SCARB1: variants seen among roughly 807,000 people sequenced by gnomAD.
SCARB1 encodes CD36 and LIMPII analogous 1.
A neutral mutation model predicts 57.2 loss-of-function variants in SCARB1; 30 were observed. The observed-to-expected ratio is 0.52, with a 90% CI of 0.39 to 0.71. The LOEUF is 0.71. Among genes scored for constraint, SCARB1 ranks in the 30% least tolerant of loss-of-function variants. The pLI is 0.00. For missense variants in SCARB1, 543 were observed against 671.2 expected, an observed-to-expected ratio of 0.81 and a Z score of 2.11; for synonymous variants, 249 against 268.3, an observed-to-expected ratio of 0.93 and a Z score of 0.70.
chr12:124,854,820 G>A (rs772318493), intron 1 of SCARB1, among the ~76,000 whole-genome samples: 5 of 152,132 alleles, frequency 3.3e-5, no homozygotes, highest in African/African-American at 9.7e-5. Context: ...CAGCCGGGGC[G>A]AGCGTGAGCT....
intron 1 of SCARB1, among the ~76,000 whole-genome samples, chr12:124,820,848 C>T (rs1594297806): frequency 6.6e-6 from 1 of 152,278 alleles, no homozygotes; most frequent in East Asian, 1.9e-4. Context: ...ATCTCAGGGG[C>T]GGGTTTCCCG....
rs369260422 is a variant in SCARB1, at chr12:124,795,229, G to A, written c.1168C>T (p.Leu390=). The change falls in exon 9 of 13, where the codon CTG becomes TTG. Residue 390 remains leucine, a synonymous_variant. Transcript: ENST00000261693. The part of the protein sequence containing the change: ...IPMNCSVKLQ[L]SLYMKSVAGI... ...GCGACAGATTTCATGTAGAGGCTCA[G>A]CTGCAGTTTCACAGAGCAGTTCATG... 2.5e-6 allele frequency: 4 copies of A among 1,613,888 alleles called. No individual in the cohort carries two copies. Among genetic ancestry groups the A allele is most frequent in the Non-Finnish European group, 3.4e-6 (4 of 1,179,906 alleles).
chr12:124,785,949 G>C (rs578115894), intron 11 of SCARB1: 2 of 968,530 alleles, frequency 2.1e-6, no homozygotes, highest in Admixed American at 2.9e-5. Context: ...CTGTCTCCCC[G>C]GCTGGGATGC....
At chr12:124,804,647 A>G (rs995599473) in intron 7 of SCARB1, among the ~76,000 whole-genome samples, 9 of 152,206 alleles carry the variant, frequency 5.9e-5, no homozygotes, top group African/African-American at 2.2e-4. Flanking sequence ...GGACCAGGAG[A>G]CAGCAGCGGG....
At chr12:124,785,967 C>G (rs570199410) in intron 11 of SCARB1, 6 of 1,202,858 alleles carry the variant, frequency 5.0e-6, no homozygotes, top group Admixed American at 2.9e-5. Flanking sequence ...TGCCAGCCCC[C>G]CTCAATCCCC....
intron 7 of SCARB1, among the ~76,000 whole-genome samples, chr12:124,803,256 CG>C (rs1334167365): frequency 6.6e-6 from 1 of 152,166 alleles, no homozygotes; most frequent in Non-Finnish European, 1.5e-5. Flanking sequence ...GTGCTGGCCA[CG>C]GGGTGCGTTG....
chr12:124,811,002 C>T (rs1950505675), intron 5 of SCARB1, among the ~76,000 whole-genome samples: 1 of 152,142 alleles, frequency 6.6e-6, no homozygotes, highest in African/African-American at 2.4e-5. Context: ...AGTGGGAAGT[C>T]ACACAGTCAT....
intron 1 of SCARB1, among the ~76,000 whole-genome samples, chr12:124,832,422 A>G (rs1359850503): frequency 1.3e-5 from 2 of 152,036 alleles, no homozygotes; most frequent in African/African-American, 4.8e-5. Context: ...TGGGAGGCTG[A>G]GGAAGGAGAA....
At chr12:124,840,120 T>A (rs1256051027) in intron 1 of SCARB1, 1 of 1,223,142 alleles carries the variant, frequency 8.2e-7, no homozygotes, top group Non-Finnish European at 1.1e-6. Flanking sequence ...TCTCACTGAT[T>A]CTCATTTCCC....
In SCARB1 at chr12:124,810,402, C is replaced by T; in HGVS notation, c.727-113G>A. On this transcript the variant is annotated intron_variant, in intron 5 of 12. Coordinates refer to ENST00000261693, the MANE Select transcript of SCARB1 (RefSeq NM_005505.5). This position sits in a 1 kb window ranked among gnomAD's most constrained non-coding sequence, Gnocchi z 4.0. ...GGTGCACGCACGGCCACTCAATTCC[C>T]AATACTGGCACGGTGGGAAGAGGGC... 1.3e-6 allele frequency: 1 copy of T among 744,370 alleles called. No individual in the cohort carries two copies. The highest frequency in any genetic ancestry group is 2.4e-6 in the Non-Finnish European group (1 of 412,906). The allele number at this position is 744,370 out of a possible 1,614,324, so 46.1% of individuals were successfully genotyped here. A position where few individuals can be genotyped will look rare whatever the true frequency, so the allele number is the denominator to read the frequency against.
chr12:124,823,826 C>T (rs965026453), intron 1 of SCARB1, among the ~76,000 whole-genome samples: 4 of 151,752 alleles, frequency 2.6e-5, no homozygotes, highest in South Asian at 2.1e-4. Context: ...TTTACTACTG[C>T]GTAAAAAAGA....
chr12:124,853,401 T>G (rs1275782894), intron 1 of SCARB1, among the ~76,000 whole-genome samples: 2 of 150,300 alleles, frequency 1.3e-5, no homozygotes, highest in Non-Finnish European at 3.0e-5. Flanking sequence ...TTTTTTTTTT[T>G]TTTTTTTTTG....
intron 9 of SCARB1, 147 bp from the exon 10 acceptor site, chr12:124,787,604 C>T (rs1949570631): frequency 4.2e-6 from 3 of 708,650 alleles, no homozygotes; most frequent in Middle Eastern, 2.4e-4. Context: ...TGAGCTGAAA[C>T]ACTTTAGGAG....
chr12:124,848,492 G>C (rs923820198), intron 1 of SCARB1, among the ~76,000 whole-genome samples: 2 of 146,446 alleles, frequency 1.4e-5, no homozygotes, highest in African/African-American at 5.1e-5. Context: ...GCCTTCTTGA[G>C]TGGGGCCGTG....
chr12:124,850,279 A>T (rs1470101261), intron 1 of SCARB1, among the ~76,000 whole-genome samples: 2 of 152,024 alleles, frequency 1.3e-5, no homozygotes, highest in Non-Finnish European at 2.9e-5. Context: ...AGGCTGAGGC[A>T]GGAGAATCAC....
intron 1 of SCARB1, among the ~76,000 whole-genome samples, chr12:124,841,534 A>G (rs1346905320): frequency 6.7e-6 from 1 of 149,682 alleles, no homozygotes; most frequent in Non-Finnish European, 1.5e-5. Context: ...CCTGCTCAGA[A>G]CCCTCCATGG....
At chr12:124,834,653 AT>A (rs1296015339) in intron 1 of SCARB1, among the ~76,000 whole-genome samples, 1 of 152,210 alleles carries the variant, frequency 6.6e-6, no homozygotes, top group Non-Finnish European at 1.5e-5. Flanking sequence ...CACGCCTGTA[AT>A]CCCAGCACTT....
At chr12:124,836,279 A>C (rs1232969554) in intron 1 of SCARB1, among the ~76,000 whole-genome samples, 1 of 152,224 alleles carries the variant, frequency 6.6e-6, no homozygotes, top group Non-Finnish European at 1.5e-5. Flanking sequence ...GTCACTGGCC[A>C]GAATGTCCAT....
intron 1 of SCARB1, among the ~76,000 whole-genome samples, chr12:124,859,760 A>G (rs1952808750): frequency 1.3e-5 from 2 of 152,194 alleles, no homozygotes; most frequent in Admixed American, 1.3e-4. Flanking sequence ...ACTTAAGGCC[A>G]GGAGTTCGAG....
Sources: allele counts gnomAD v4.1 joint callset (sites outside exome capture counted in the v4.1 genomes callset), GRCh38; gene constraint gnomAD v4.1.1; non-coding constraint Gnocchi (gnomAD v3.1); transcripts MANE v1.5; gene names NCBI Gene and HGNC (gene_info 2026-07-23, HGNC 2026-07-21).